ADAMTS1: variants seen among roughly 807,000 people sequenced by gnomAD.
ADAMTS1 encodes the protein A disintegrin and metalloproteinase with thrombospondin motifs 1.
ADAMTS1 carries 19 observed loss-of-function variants against 87.9 expected under a neutral mutation model. That is an observed-to-expected ratio of 0.22 (90% CI 0.15 to 0.32). The LOEUF is 0.32. Among genes scored for constraint, ADAMTS1 ranks in the 10% least tolerant of loss-of-function variants. The pLI, the probability that ADAMTS1 is intolerant of heterozygous loss-of-function variation, is 1.00. For synonymous variants in ADAMTS1, 542 were observed against 501.8 expected (o/e 1.08, Z -1.07); for missense variants, 1,240 against 1,259.1 (o/e 0.98, Z 0.23).
At chr21:26,840,115 G>T (rs1985460986) in intron 5 of ADAMTS1, 54 bp from the exon 6 acceptor site, 3 of 1,567,190 alleles carry the variant, frequency 1.9e-6, no homozygotes, top group Non-Finnish European at 2.6e-6. Flanking sequence ...GAACTTTTAG[G>T]GTATCAAAGA....
chr21:26,840,211 T>A, intron 5 of ADAMTS1, 65 bp downstream of exon 5: 1 of 1,573,880 alleles, frequency 6.4e-7, no homozygotes, highest in African/African-American at 1.3e-5. Flanking sequence ...TTTAACTTGG[T>A]ATCATATCTT....
Position 26,845,127 on chromosome 21 carries a change from A to G in ADAMTS1, c.-173T>C, listed in dbSNP as rs416905. 0.75 allele frequency: 693,810 copies of G among 920,892 alleles called. 264,092 individuals are homozygous for G. The highest frequency in any genetic ancestry group is 0.89 in the African/African-American group (51,705 of 57,862). The allele number at this position is 920,892 out of a possible 1,614,324, so 57.0% of individuals were successfully genotyped here. ...CAGCCGAAGCTCCCGGAGTCACTAA[A>G]AGGAGGCGCTGCAGTTCTGCCGGCG... On this transcript the variant is annotated 5_prime_UTR_variant, in exon 1 of 9. Coordinates refer to ENST00000284984, the MANE Select transcript of ADAMTS1 (RefSeq NM_006988.5).
rs1601920279 is a variant in ADAMTS1, at chr21:26,835,941, T to A, written c.*1638A>T. 6.6e-6 allele frequency: 1 copy of A among 152,224 alleles called. No homozygotes were observed. Among genetic ancestry groups the A allele is most frequent in the South Asian group, 2.1e-4 (1 of 4,836 alleles). The allele number at this position is 152,224 out of a possible 1,614,324, so 9.4% of individuals were successfully genotyped here. On this transcript the variant is annotated 3_prime_UTR_variant, in exon 9 of 9. Transcript: ENST00000284984. ...CACAGTTGAGCAGTTGTGACATAGATGGTATTGACAGGATAGTTATTGACA... is the reference window on the plus strand; with the variant it reads ...CACAGTTGAGCAGTTGTGACATAGAAGGTATTGACAGGATAGTTATTGACA...
In ADAMTS1 at chr21:26,839,898, AG is replaced by A; in HGVS notation, c.1828del (p.Glu611ArgfsTer68). The A allele has an allele frequency of 6.2e-7, 1 of 1,614,038 alleles. No homozygotes were observed. Among genetic ancestry groups the A allele is most frequent in the Non-Finnish European group, 8.5e-7 (1 of 1,180,016 alleles). Reference sequence around the variant, plus strand: ...ACCATTATTGTCTGGACAGTCCTCAAGGTTACAGGATCTGTAGCGCACTCGT... The same window carrying A: ...ACCATTATTGTCTGGACAGTCCTCAAGTTACAGGATCTGTAGCGCACTCGT... ...GKRVRYRSCN[L>X]EDCPDNNGKT... is the part of the protein sequence containing the mutation. On this transcript the variant is annotated frameshift_variant, in exon 6 of 9. Transcript: ENST00000284984. LOFTEE classifies it high-confidence loss of function.
intron 8 of ADAMTS1, 31 bp from the exon 9 acceptor site, chr21:26,838,309 T>TTGGCTAATGA (rs761317711): frequency 1.9e-6 from 3 of 1,579,690 alleles, no homozygotes; most frequent in Non-Finnish European, 1.7e-6. Context: ...CATAAATCTC[T>TTGGCTAATGA]GATTCATTGG....
In ADAMTS1 at chr21:26,845,352, G is replaced by C. The variant is rs1227377690; in HGVS notation, c.-398C>G. 5.5e-6 allele frequency: 1 copy of C among 180,638 alleles called. No homozygotes were observed. The highest frequency in any genetic ancestry group is 1.1e-5 in the Non-Finnish European group (1 of 87,672). 11.2% of individuals were successfully genotyped at this position (180,638 alleles called of 1,614,324 possible). A position where few individuals can be genotyped will look rare whatever the true frequency, so the allele number is the denominator to read the frequency against. On this transcript the variant is annotated 5_prime_UTR_variant, in exon 1 of 9. Transcript: ENST00000284984. ...GCTCAGGGCTCTCCCCTCTCCGTCC[G>C]GTAGCGCACCCTGGCTTTGCAATAG...
chr21:26,844,793 G>C lies in ADAMTS1; in HGVS notation c.162C>G (p.Ser54=), dbSNP rs1363312799. ...LAVSDALGRP[S]EEDEELVVPE... The stretch of plus-strand genomic sequence containing the variant: ...GCACCACTAGCTCCTCGTCCTCCTC[G>C]GAGGGGCGCCCGAGTGCGTCCGACA... Residue 54 remains serine (S), a synonymous_variant, in exon 1 of 9, where the codon TCC becomes TCG. Transcript: ENST00000284984. 2 of 1,545,974 alleles carry C rather than the reference G, an allele frequency of 1.3e-6. No homozygotes were observed. The highest frequency in any genetic ancestry group is 1.7e-6 in the Non-Finnish European group (2 of 1,144,462).
rs559065993 is a variant in ADAMTS1, at chr21:26,842,047, A to T, written c.1078-57T>A. The T allele has an allele frequency of 1.6e-4, 248 of 1,571,240 alleles. 2 individuals are homozygous for T. The South Asian group carries it at 2.8e-3, about 17-fold the overall frequency. ...AAGGGGAGCATGACCCTTGGGATCT[A>T]ACTTTTTTGGCAGGGTGTGCCTTCA... is the stretch of plus-strand genomic sequence containing the variant. On this transcript the variant is annotated intron_variant, in intron 2 of 8. Transcript: ENST00000284984.
rs770022304 is a variant in ADAMTS1, at chr21:26,838,633, T to A, written c.2029-19A>T. 3.1e-6 allele frequency: 5 copies of A among 1,609,912 alleles called. No homozygotes were observed. In the Admixed American group the frequency reaches 8.4e-5, roughly 27 times the overall value. On this transcript the variant is annotated intron_variant, in intron 7 of 8. Coordinates refer to ENST00000284984, the MANE Select transcript of ADAMTS1 (RefSeq NM_006988.5). ...CTACAACCTGAAAAAAGGACACATGTCTAGTGTTACATACAAGCAAAGGAA... is the reference window on the plus strand; with the variant it reads ...CTACAACCTGAAAAAAGGACACATGACTAGTGTTACATACAAGCAAAGGAA...
At position 26,837,258 on chromosome 21, in the gene ADAMTS1, CT is replaced by C. The variant is rs150484130; in HGVS notation, c.*320del. On this transcript the variant is annotated 3_prime_UTR_variant, in exon 9 of 9. Coordinates refer to ENST00000284984, the MANE Select transcript of ADAMTS1 (RefSeq NM_006988.5). ...GAAACAGGGGTTGTAATAGTTCTAACTTTTTTTGACAATTGCTTTGTTTTTT... is the reference window on the plus strand; with the variant it reads ...GAAACAGGGGTTGTAATAGTTCTAACTTTTTTGACAATTGCTTTGTTTTTT... The C allele has an allele frequency of 1.3e-5, 3 of 239,628 alleles. No homozygotes were observed. Among genetic ancestry groups the C allele is most frequent in the African/African-American group, 2.2e-5 (1 of 45,182 alleles). 14.8% of individuals were successfully genotyped at this position (239,628 alleles called of 1,614,324 possible).
In ADAMTS1 at chr21:26,837,890, C is replaced by G. The variant is rs201422884; in HGVS notation, c.2593G>C (p.Glu865Gln). The change falls in exon 9 of 9, where the codon GAA becomes CAA. Residue 865 changes from glutamate to glutamine, a missense_variant. Physicochemically the swap from Glu to Gln is conservative, Grantham distance 29. Coordinates refer to ENST00000284984, the MANE Select transcript of ADAMTS1 (RefSeq NM_006988.5). ...FSAWVIEEWG[E>Q]CSKSCELGWQ... is the part of the protein sequence containing the mutation. ...CCCAATTCACATGACTTAGAACATT[C>G]GCCCCACTCTTCAATGACCCATGCT... is the stretch of plus-strand genomic sequence containing the variant. 23 of 1,614,082 alleles carry G rather than the reference C, an allele frequency of 1.4e-5. No homozygotes were observed. The African/African-American group carries it at 2.8e-4, about 20-fold the overall frequency.
chr21:26,837,496 G>T lies in ADAMTS1; in HGVS notation c.*83C>A. 1 of 1,229,648 alleles carries T rather than the reference G, an allele frequency of 8.1e-7. No individual in the cohort carries two copies. The highest frequency in any genetic ancestry group is 1.2e-6 in the Non-Finnish European group (1 of 855,194). The allele number at this position is 1,229,648 out of a possible 1,614,324, so 76.2% of individuals were successfully genotyped here. ...TCACTGGTTACTGGCAAGATACGCT[G>T]GATCCCTCCAGCCTTCTTGCTTTCC... On this transcript the variant is annotated 3_prime_UTR_variant, in exon 9 of 9. Transcript: ENST00000284984.
intron 2 of ADAMTS1, 81 bp downstream of exon 2, chr21:26,842,258 G>T: frequency 7.3e-7 from 1 of 1,366,514 alleles, no homozygotes; most frequent in Non-Finnish European, 9.9e-7. Flanking sequence ...AAACACTGGT[G>T]AAATGCCTTG....
chr21:26,839,959 C>A lies in ADAMTS1; in HGVS notation c.1768G>T (p.Val590Phe), dbSNP rs2123317590. ...QYTMRECDNP[V>F]PKNGGKYCEG... ...CAGTACTTCCCTCCATTCTTTGGGACTGGGTTGTCACATTCCCTCATCGTG... is the reference window on the plus strand; with the variant it reads ...CAGTACTTCCCTCCATTCTTTGGGAATGGGTTGTCACATTCCCTCATCGTG... The change falls in exon 6 of 9, where the codon GTC (valine) becomes TTC (phenylalanine). Residue 590 changes from valine (V) to phenylalanine (F), a missense_variant. Transcript: ENST00000284984. 1 of 1,614,104 alleles carries A rather than the reference C, an allele frequency of 6.2e-7. No individual in the cohort carries two copies. Among genetic ancestry groups the A allele is most frequent in the Middle Eastern group, 1.6e-4 (1 of 6,062 alleles).
chr21:26,840,166 TC>T (rs1985462214), intron 5 of ADAMTS1, 105 bp from the exon 6 acceptor site: 2 of 1,549,130 alleles, frequency 1.3e-6, no homozygotes, highest in African/African-American at 2.7e-5. Flanking sequence ...AAATAAGCTA[TC>T]TCGCATTCCT....
Position 26,839,884 on chromosome 21 carries a change from C to G in ADAMTS1, c.1843G>C (p.Asp615His). Residue 615 changes from aspartate to histidine, a missense_variant, in exon 6 of 9, where the codon GAC becomes CAC. Physicochemically the swap from Asp to His is moderately conservative, Grantham distance 81. This residue lies in a region of ADAMTS1 where 317 missense variants were observed against 410.3 expected (regional missense o/e 0.77). Transcript: ENST00000284984. ...GTCCGTTGCTCCTCACCATTATTGT[C>G]TGGACAGTCCTCAAGGTTACAGGAT... ...YRSCNLEDCP[D>H]NNGKTFREEQ... is the part of the protein sequence containing the mutation. 6.2e-7 allele frequency: 1 copy of G among 1,613,862 alleles called. No individual in the cohort carries two copies. The highest frequency in any genetic ancestry group is 1.1e-5 in the South Asian group (1 of 91,016).
At chr21:26,842,807 A>G in intron 1 of ADAMTS1, 122 bp from the exon 2 acceptor site, 1 of 730,522 alleles carries the variant, frequency 1.4e-6, no homozygotes, top group Non-Finnish European at 2.2e-6. Context: ...CCAGAACAAC[A>G]ATAACAAAAA....
Position 26,838,044 on chromosome 21 carries a change from G to C in ADAMTS1, c.2439C>G (p.Ser813Arg), listed in dbSNP as rs1985409434. 6.2e-7 allele frequency: 1 copy of C among 1,614,114 alleles called. No individual in the cohort carries two copies. Among genetic ancestry groups the C allele is most frequent in the South Asian group, 1.1e-5 (1 of 91,092 alleles). The change falls in exon 9 of 9, where the codon AGC (serine) becomes AGG (arginine). Residue 813 changes from serine (S) to arginine (R), a missense_variant. By Grantham distance (110) the Ser-to-Arg change is moderately radical. Around this residue, in one of 3 missense-constraint regions of ADAMTS1, gnomAD observed 402 missense variants for 399.1 expected, o/e 1.01. Coordinates refer to ENST00000284984, the MANE Select transcript of ADAMTS1 (RefSeq NM_006988.5). ...TCAAGGGCTCTTTGAGAGGGCTAAA[G>C]CTGCGAATTCTTTCCAATGCCGCAG... Reference protein sequence around the residue: ...GSSAALERIRSFSPLKEPLTI... With the variant: ...GSSAALERIRRFSPLKEPLTI...
intron 1 of ADAMTS1, among the ~76,000 whole-genome samples, chr21:26,844,022 C>T (rs959070401): frequency 6.6e-5 from 10 of 152,174 alleles, no homozygotes; most frequent in Non-Finnish European, 1.2e-4. Context: ...CTTGGTTATT[C>T]ATTATTCGGG....
Sources: gnomAD v4.1 joint callset for allele counts (sites outside exome capture counted in the v4.1 genomes callset) on GRCh38, gnomAD v4.1.1 for gene constraint, gnomAD v4.1.1 regional missense constraint, MANE v1.5 for transcripts, NCBI Gene and HGNC (gene_info 2026-07-23, HGNC 2026-07-21) for gene names.